Variants in KCNAB2 observed in about 807,000 individuals in gnomAD.
KCNAB2 encodes the protein voltage-gated potassium channel subunit beta-2.
A neutral mutation model predicts 63.6 loss-of-function variants in KCNAB2; 29 were observed. The ratio of observed to expected loss-of-function variants is 0.46; its 90% CI spans 0.34 to 0.62. The LOEUF (loss-of-function observed/expected upper bound fraction) is 0.62. Among genes scored for constraint, KCNAB2 ranks in the 20% least tolerant of loss-of-function variants. KCNAB2 has a pLI of 0.01. For missense variants in KCNAB2, 359 were observed against 563.9 expected (o/e 0.64, Z 3.68); for synonymous variants, 222 against 224.2 (o/e 0.99, Z 0.09).
rs372115775 is a variant in KCNAB2 at position 6,094,394 on chromosome 1, C to T, written c.647-6C>T. 52 of 1,606,910 alleles carry T rather than the reference C, an allele frequency of 3.2e-5. No homozygotes were observed. In the African/African-American group the frequency reaches 4.3e-4, roughly 13 times the overall value. ...CCACCTGCGGTTTCCCTTTCTCTCA[C>T]GACAGAGACCGTCCGCGCCATGACC... On this transcript the variant is annotated splice_region_variant and splice_polypyrimidine_tract_variant and intron_variant, in intron 10 of 15. Coordinates refer to ENST00000378083, the MANE Select transcript of KCNAB2 (RefSeq NM_001199862.2).
rs555410032 is a variant in KCNAB2 at position 5,997,865 on chromosome 1, T to C, written c.-53+5077T>C. On this transcript the variant is annotated intron_variant, in intron 1 of 16. Coordinates refer to the KCNAB2 transcript ENST00000341524. ...AATTTAAAACATTGCTTAAAACCTA[T>C]ACATGCCAGTGAAGGGCGAAGGTCT... 3.8e-4 allele frequency among the ~76,000 whole-genome samples: 58 copies of C among 152,292 alleles called. No individual in the cohort carries two copies. The South Asian group carries it at 5.6e-3, about 15-fold the overall frequency.
At chr1:6,007,958 G>T (rs1657924898) in intron 1 of KCNAB2, among the ~76,000 whole-genome samples, 1 of 152,178 alleles carries the variant, frequency 6.6e-6, no homozygotes, top group Non-Finnish European at 1.5e-5. Flanking sequence ...CAGTGGTGGG[G>T]TCTGGCTCCC....
At chr1:6,058,354 T>C (rs1380870361) in intron 2 of KCNAB2, among the ~76,000 whole-genome samples, 1 of 152,198 alleles carries the variant, frequency 6.6e-6, no homozygotes, top group African/African-American at 2.4e-5. Context: ...ACTCAACACC[T>C]TGAGCCTGCG....
chr1:6,017,365 C>T (rs1318727909), intron 1 of KCNAB2, among the ~76,000 whole-genome samples: 2 of 152,056 alleles, frequency 1.3e-5, no homozygotes, highest in Non-Finnish European at 2.9e-5. Context: ...ATCTCGGCCT[C>T]CCAGGTTGCT....
Position 6,096,619 on chromosome 1 carries a change from C to A in KCNAB2, c.949-17C>A. 1 of 1,607,722 alleles carries A rather than the reference C, an allele frequency of 6.2e-7. No individual in the cohort carries two copies. Among genetic ancestry groups the A allele is most frequent in the Non-Finnish European group, 8.5e-7 (1 of 1,177,478 alleles). ...GCTCTCATCTGTAGCTGTGCTGCTCCCCTCCCCCGCAACCAGGGCTACCAG... is the reference window on the plus strand; with the variant it reads ...GCTCTCATCTGTAGCTGTGCTGCTCACCTCCCCCGCAACCAGGGCTACCAG... On this transcript the variant is annotated splice_polypyrimidine_tract_variant and intron_variant, in intron 13 of 15. Coordinates refer to ENST00000378083, the MANE Select transcript of KCNAB2 (RefSeq NM_001199862.2). The surrounding 1 kb of genome is among the most constrained non-coding windows in gnomAD (Gnocchi z 5.9).
chr1:6,025,290 G>C (rs56224336), intron 1 of KCNAB2, among the ~76,000 whole-genome samples: 18,870 of 152,226 alleles, frequency 0.12, 1,485 homozygotes, highest in Non-Finnish European at 0.19. Flanking sequence ...TCACACACAC[G>C]GGTGTGGCCT....
intron 1 of KCNAB2, among the ~76,000 whole-genome samples, chr1:5,999,245 A>T (rs551131458): frequency 4.3e-4 from 65 of 152,250 alleles, no homozygotes; most frequent in African/African-American, 1.5e-3. Context: ...GGGTGGGCCG[A>T]GGGTCCTGAG....
chr1:6,048,098 C>T (rs1661080060), intron 1 of KCNAB2, among the ~76,000 whole-genome samples: 1 of 152,234 alleles, frequency 6.6e-6, no homozygotes. Flanking sequence ...CTCACATCCC[C>T]AAACTCAGCC....
intron 5 of KCNAB2, among the ~76,000 whole-genome samples, chr1:6,083,607 C>T (rs1160583695): frequency 7.2e-5 from 11 of 152,212 alleles, no homozygotes; most frequent in South Asian, 6.2e-4. Flanking sequence ...GCTCCTGGGC[C>T]GGCCACTGCG....
chr1:6,058,467 G>A lies in KCNAB2; in HGVS notation c.218+6713G>A, dbSNP rs942576885. ...TCTCCATGACTCGATTTCCTTACCC[G>A]GAAAGTGGAGACCGGGGTCACTACA... is the stretch of plus-strand genomic sequence containing the variant. On this transcript the variant is annotated intron_variant, in intron 2 of 15. Coordinates refer to ENST00000378083, the MANE Select transcript of KCNAB2 (RefSeq NM_001199862.2). Among the ~76,000 whole-genome samples, 3 of 152,174 alleles carry A rather than the reference G, an allele frequency of 2.0e-5. No homozygotes were observed. The East Asian group carries it at 5.8e-4, about 29-fold the overall frequency.
intron 1 of KCNAB2, among the ~76,000 whole-genome samples, chr1:5,993,444 G>A (rs1200050815): frequency 6.6e-6 from 1 of 152,114 alleles, no homozygotes; most frequent in Non-Finnish European, 1.5e-5. Flanking sequence ...TTCTGACCCT[G>A]AGCCCCTACT....
chr1:6,096,926 G>C lies in KCNAB2; in HGVS notation c.1069+170G>C, dbSNP rs79318665. Among the ~76,000 whole-genome samples, 3,027 of 152,280 alleles carry C rather than the reference G, an allele frequency of 0.02. 94 individuals carry two copies. The highest frequency in any genetic ancestry group is 0.07 in the African/African-American group (2,888 of 41,524). ...CGGGTAATCGGGCTCTAAGGGGCATGGTTGGGACCCCATGCCTCTAGGGGG... is the reference window on the plus strand; with the variant it reads ...CGGGTAATCGGGCTCTAAGGGGCATCGTTGGGACCCCATGCCTCTAGGGGG... On this transcript the variant is annotated intron_variant, in intron 14 of 15. Coordinates refer to ENST00000378083, the MANE Select transcript of KCNAB2 (RefSeq NM_001199862.2). This position sits in a 1 kb window ranked among gnomAD's most constrained non-coding sequence, Gnocchi z 5.9.
chr1:6,095,159 CCTGGCTCCCAGGGAAG>C, intron 11 of KCNAB2, among the ~76,000 whole-genome samples, 148 bp from the exon 12 acceptor site: 1 of 152,358 alleles, frequency 6.6e-6, no homozygotes, highest in East Asian at 1.9e-4. Flanking sequence ...CCAGGGCCTG[CCTGGCTCCCAGGGAAG>C]CTATGAGTGT....
Position 6,082,178 on chromosome 1 carries a change from C to G in KCNAB2, c.301-17C>G. ...CCACCCCCGGCTGGCAGGACAGTGT[C>G]GGTTTTCTCGTTTCAGATGGCAGAG... On this transcript the variant is annotated splice_polypyrimidine_tract_variant and intron_variant, in intron 4 of 15. Coordinates refer to ENST00000378083, the MANE Select transcript of KCNAB2 (RefSeq NM_001199862.2). 2 of 1,611,078 alleles carry G rather than the reference C, an allele frequency of 1.2e-6. No individual in the cohort carries two copies. The highest frequency in any genetic ancestry group is 1.7e-6 in the Non-Finnish European group (2 of 1,177,412).
upstream of KCNAB2, among the ~76,000 whole-genome samples, chr1:6,031,099 C>A (rs916674476): frequency 6.6e-6 from 1 of 152,160 alleles, no homozygotes; most frequent in East Asian, 1.9e-4. The surrounding 1 kb of genome is among the most constrained non-coding windows in gnomAD (Gnocchi z 4.1). Context: ...GTAACCATAA[C>A]AGGTTGTCCC....
Position 6,099,959 on chromosome 1 carries a change from G to A in KCNAB2, c.*1385G>A. 1 of 1,550,198 alleles carries A rather than the reference G, an allele frequency of 6.5e-7. No individual in the cohort carries two copies. The highest frequency in any genetic ancestry group is 1.4e-5 in the African/African-American group (1 of 73,158). ...GGCCTGTGTCCCAAGCAGTACCCAG[G>A]CTTTGCAGACCACGCGGGGCAGGGC... On this transcript the variant is annotated 3_prime_UTR_variant, in exon 16 of 16. Transcript: ENST00000378083.
chr1:6,075,816 C>T (rs533197920), intron 4 of KCNAB2, among the ~76,000 whole-genome samples: 45 of 152,308 alleles, frequency 3.0e-4, no homozygotes, highest in African/African-American at 9.9e-4. Context: ...CTGTGCCACC[C>T]TTACCAATAT....
chr1:6,035,787 A>G lies in KCNAB2; in HGVS notation c.-53+993A>G, dbSNP rs1659990229. 6.6e-6 allele frequency: 1 copy of G among 152,060 alleles called. No individual in the cohort carries two copies. Among genetic ancestry groups the G allele is most frequent in the Non-Finnish European group, 1.5e-5 (1 of 68,220 alleles). The allele number at this position is 152,060 out of a possible 1,614,324, so 9.4% of individuals were successfully genotyped here. On this transcript the variant is annotated intron_variant, in intron 1 of 15. Transcript: ENST00000164247. The surrounding 1 kb of genome is among the most constrained non-coding windows in gnomAD (Gnocchi z 5.0). ...AGGGGGTGGGGTCTGCAGCATGGGG[A>G]CGGGGTTCAGAGCCACGAGATGGGT... is the stretch of plus-strand genomic sequence containing the variant.
intron 1 of KCNAB2, among the ~76,000 whole-genome samples, chr1:6,038,735 T>C (rs1367415753): frequency 6.6e-6 from 1 of 152,168 alleles, no homozygotes; most frequent in Non-Finnish European, 1.5e-5. Flanking sequence ...CTTACTTTGA[T>C]TTCTTCCGAG....
Sources: gnomAD v4.1 joint callset for allele counts (sites outside exome capture counted in the v4.1 genomes callset) on GRCh38, gnomAD v4.1.1 for gene constraint, Gnocchi (gnomAD v3.1) non-coding constraint, MANE v1.5 for transcripts, NCBI Gene and HGNC (gene_info 2026-07-23, HGNC 2026-07-21) for gene names.